WDR49: variants seen among roughly 807,000 people sequenced by gnomAD.
The protein encoded by WDR49 is WD repeat domain 49, also known as cilia- and flagella-associated protein 337.
Under a neutral mutation model 119.5 loss-of-function variants are expected in WDR49, and 107 were observed. The observed-to-expected ratio is 0.90, with a 90% CI of 0.77 to 1.05. The LOEUF (loss-of-function observed/expected upper bound fraction) is 1.05, where lower values mean the gene tolerates loss of function less well. Ranked by LOEUF, WDR49 falls within the 50% of genes least tolerant of loss-of-function variation. WDR49 has a pLI of 0.00. For synonymous variants in WDR49, 425 were observed against 418.8 expected (o/e 1.01, Z -0.18); for missense variants, 1,240 against 1,220.5 (o/e 1.02, Z -0.24).
At chr3:167,586,807 A>G (rs2108292859) in intron 7 of WDR49, among the ~76,000 whole-genome samples, 1 of 152,320 alleles carries the variant, frequency 6.6e-6, no homozygotes, top group East Asian at 1.9e-4. Context: ...ACAAAAATAG[A>G]AAGATAAATT....
chr3:167,505,210 G>T, intron 17 of WDR49, 97 bp downstream of exon 17: 1 of 1,263,648 alleles, frequency 7.9e-7, no homozygotes, highest in South Asian at 2.3e-5. Context: ...GTTTATTAAG[G>T]AATAGGAACA....
chr3:167,630,384 A>G (rs560631737), intron 2 of WDR49, among the ~76,000 whole-genome samples: 1 of 152,254 alleles, frequency 6.6e-6, no homozygotes, highest in East Asian at 1.9e-4. Context: ...AATACCCTAC[A>G]GTATAGCTTA....
chr3:167,616,761 AC>A (rs1396670256), intron 5 of WDR49, among the ~76,000 whole-genome samples: 3 of 152,204 alleles, frequency 2.0e-5, no homozygotes, highest in Non-Finnish European at 4.4e-5. Flanking sequence ...AGACATACAC[AC>A]ATATACACAC....
At chr3:167,479,284 G>GTT (rs1215607579) in intron 18 of WDR49, among the ~76,000 whole-genome samples, 1 of 151,922 alleles carries the variant, frequency 6.6e-6, no homozygotes, top group African/African-American at 2.4e-5. Flanking sequence ...TTCCATTTTT[G>GTT]TTTTTTAATC....
At chr3:167,573,071 G>GC (rs1488849279) in intron 8 of WDR49, among the ~76,000 whole-genome samples, 1 of 152,154 alleles carries the variant, frequency 6.6e-6, no homozygotes, top group African/African-American at 2.4e-5. Context: ...TCATAAAGCA[G>GC]CAACATTCGC....
At chr3:167,513,236 C>G (rs1339058728) in intron 16 of WDR49, among the ~76,000 whole-genome samples, 1 of 152,150 alleles carries the variant, frequency 6.6e-6, no homozygotes, top group Admixed American at 6.5e-5. Context: ...GGAAGCCCAT[C>G]AGACTGACAG....
intron 15 of WDR49, 42 bp from the exon 16 acceptor site, chr3:167,522,526 A>G: frequency 6.4e-7 from 1 of 1,565,088 alleles, no homozygotes; most frequent in Admixed American, 2.1e-5. Flanking sequence ...TATGAAATTT[A>G]TTTTCTTCAA....
chr3:167,515,186 A>G (rs1221550137), intron 16 of WDR49, among the ~76,000 whole-genome samples: 2 of 152,168 alleles, frequency 1.3e-5, no homozygotes, highest in Non-Finnish European at 2.9e-5. Context: ...CAAAACAACG[A>G]AAAAAGAACT....
chr3:167,647,719 G>A (rs948287747), intron 2 of WDR49, among the ~76,000 whole-genome samples: 3 of 152,178 alleles, frequency 2.0e-5, no homozygotes, highest in Non-Finnish European at 4.4e-5. Context: ...AATTGACTGA[G>A]GCTGCAGAAT....
intron 15 of WDR49, among the ~76,000 whole-genome samples, chr3:167,525,519 G>C (rs79301937): frequency 0.023 from 3,557 of 152,080 alleles, 79 homozygotes; most frequent in South Asian, 0.042. Context: ...ACTGGATGAA[G>C]AGACACAATC....
intron 7 of WDR49, among the ~76,000 whole-genome samples, chr3:167,579,072 G>A (rs181975532): frequency 9.2e-5 from 14 of 151,960 alleles, no homozygotes; most frequent in South Asian, 2.1e-4. Flanking sequence ...CTCTCCTACC[G>A]TCATGTGAAG....
chr3:167,643,279 G>T (rs1049040596), intron 2 of WDR49, among the ~76,000 whole-genome samples: 1 of 152,006 alleles, frequency 6.6e-6, no homozygotes, highest in African/African-American at 2.4e-5. Context: ...TGGGACTCTC[G>T]ATGCCTTACA....
chr3:167,546,278 T>C (rs1712194197), intron 10 of WDR49, among the ~76,000 whole-genome samples: 1 of 152,016 alleles, frequency 6.6e-6, no homozygotes, highest in Non-Finnish European at 1.5e-5. Flanking sequence ...TATTTGACCT[T>C]GTGTGTCAAA....
intron 5 of WDR49, among the ~76,000 whole-genome samples, chr3:167,608,600 C>T (rs1232408601): frequency 1.3e-5 from 2 of 151,926 alleles, no homozygotes; most frequent in East Asian, 3.9e-4. Context: ...CCTGAGAGTG[C>T]CTGGGTAAAA....
At chr3:167,601,103 AAAG>A (rs1448992239) in intron 7 of WDR49, among the ~76,000 whole-genome samples, 1 of 152,192 alleles carries the variant, frequency 6.6e-6, no homozygotes, top group Non-Finnish European at 1.5e-5. Flanking sequence ...ATTTTGAGGA[AAAG>A]AAGATAAGAT....
At chr3:167,607,686 G>A (rs972017971) in intron 5 of WDR49, among the ~76,000 whole-genome samples, 8 of 152,094 alleles carry the variant, frequency 5.3e-5, no homozygotes, top group African/African-American at 1.9e-4. Flanking sequence ...ACTACAATGT[G>A]TATCACAGGT....
intron 17 of WDR49, among the ~76,000 whole-genome samples, chr3:167,501,893 C>T (rs1311358007): frequency 2.0e-5 from 3 of 152,008 alleles, no homozygotes; most frequent in Non-Finnish European, 4.4e-5. Flanking sequence ...AATTCTGGTG[C>T]CATCTCTTTT....
chr3:167,647,690 C>T (rs1718187738), intron 2 of WDR49, among the ~76,000 whole-genome samples: 1 of 152,096 alleles, frequency 6.6e-6, no homozygotes, highest in South Asian at 2.1e-4. Context: ...GACCTGCTGT[C>T]TTTGTTCAGC....
chr3:167,523,922 T>C (rs1463957836), intron 15 of WDR49, among the ~76,000 whole-genome samples: 1 of 152,182 alleles, frequency 6.6e-6, no homozygotes, highest in Non-Finnish European at 1.5e-5. Context: ...AGTAATGGGA[T>C]TCCTGAATCA....
Sources: gnomAD v4.1 joint callset for allele counts (sites outside exome capture counted in the v4.1 genomes callset) on GRCh38, gnomAD v4.1.1 for gene constraint, MANE v1.5 for transcripts, NCBI Gene and HGNC (gene_info 2026-07-23, HGNC 2026-07-21) for gene names.